The following ANK2 variants were observed in gnomAD, a reference collection of about 807,000 sequenced individuals.
The protein encoded by ANK2 is ankyrin 2.
Under a neutral mutation model 360.5 loss-of-function variants are expected in ANK2, and 83 were observed. The observed-to-expected ratio is 0.23, with a 90% confidence interval of 0.19 to 0.28. The LOEUF (loss-of-function observed/expected upper bound fraction) is 0.28. Ranked by LOEUF, ANK2 falls within the 10% of genes least tolerant of loss-of-function variation. ANK2 has a pLI of 1.00. For synonymous variants in ANK2, 1,740 were observed against 1,759.5 expected, an observed-to-expected ratio of 0.99 and a Z score of 0.28; for missense variants, 4,201 against 4,795.7, an observed-to-expected ratio of 0.88 and a Z score of 3.66.
chr4:113,350,436 C>T (rs1279493585), intron 37 of ANK2, 187 bp downstream of exon 37: 17 of 511,392 alleles, frequency 3.3e-5, no homozygotes, highest in South Asian at 2.8e-4. Flanking sequence ...ACCTAATTTG[C>T]GAGCTAATTA....
At position 113,353,935 on chromosome 4, in the gene ANK2, C is replaced by T. The variant is rs1282566002; in HGVS notation, c.5317C>T (p.Leu1773Phe). 2 of 1,614,012 alleles carry T rather than the reference C, an allele frequency of 1.2e-6. No individual in the cohort carries two copies. The highest frequency in any genetic ancestry group is 4.5e-5 in the East Asian group (2 of 44,882). ...TTCCATAAAGGACAAAGTAAAGGCC[C>T]TTCAGAAGCGAGTGGAAGATGAACA... The part of the protein sequence containing the change: ...IGSIKDKVKA[L>F]QKRVEDEQKG... Residue 1773 changes from leucine to phenylalanine, a missense_variant, in exon 38 of 46, where the codon CTT becomes TTT. By Grantham distance (22) the Leu-to-Phe change is conservative. Coordinates refer to ENST00000357077, the MANE Select transcript of ANK2 (RefSeq NM_001148.6).
intron 2 of ANK2, among the ~76,000 whole-genome samples, chr4:112,956,502 A>G (rs575182170): frequency 2.0e-5 from 3 of 152,230 alleles, no homozygotes; most frequent in Non-Finnish European, 2.9e-5. Flanking sequence ...AAGCACTGCC[A>G]CATCCAACAG....
intron 23 of ANK2, among the ~76,000 whole-genome samples, chr4:113,305,419 A>G (rs2076871608): frequency 6.6e-6 from 1 of 151,426 alleles, no homozygotes; most frequent in Non-Finnish European, 1.5e-5. Flanking sequence ...CTGTACTTTC[A>G]TTATTAAAAA....
At chr4:112,864,095 T>A (rs1560843883) in intron 1 of ANK2, among the ~76,000 whole-genome samples, 1 of 152,162 alleles carries the variant, frequency 6.6e-6, no homozygotes, top group Non-Finnish European at 1.5e-5. Flanking sequence ...TAGGGTGTTA[T>A]AGAGAAGAGC....
At chr4:113,154,479 C>T (rs2097206756) in intron 1 of ANK2, among the ~76,000 whole-genome samples, 1 of 152,168 alleles carries the variant, frequency 6.6e-6, no homozygotes, top group South Asian at 2.1e-4. Context: ...AGTACAATAT[C>T]TTGGCTGAAT....
intron 17 of ANK2, among the ~76,000 whole-genome samples, chr4:113,280,571 C>T (rs935501530): frequency 2.0e-5 from 3 of 152,186 alleles, no homozygotes; most frequent in African/African-American, 4.8e-5. Flanking sequence ...TCTCTTTCTG[C>T]TCATTATAAT....
intron 1 of ANK2, among the ~76,000 whole-genome samples, chr4:113,080,222 G>A (rs540624657): frequency 5.3e-5 from 8 of 152,188 alleles, no homozygotes; most frequent in African/African-American, 1.9e-4. Flanking sequence ...TTAATGCCTT[G>A]ATTCTGGAGG....
chr4:113,222,668 TA>T (rs1488755501), intron 4 of ANK2, among the ~76,000 whole-genome samples: 5 of 152,144 alleles, frequency 3.3e-5, no homozygotes, highest in South Asian at 2.1e-4. Context: ...GTCTCATTCG[TA>T]AAAGGAGCCT....
rs5861124 is a variant in ANK2 at position 113,134,281 on chromosome 4, CTTTTTTTTTTT to C, written c.85-40121_85-40111del. ...AGCTCTAAAATTTCCTGAAAGTTGT[CTTTTTTTTTTT>C]TTTTTTTTTTTTTCTCACTGCAACC... is the stretch of plus-strand genomic sequence containing the variant. On this transcript the variant is annotated intron_variant, in intron 1 of 45. Transcript: ENST00000357077. 7.8e-4 allele frequency among the ~76,000 whole-genome samples: 67 copies of C among 86,098 alleles called. 1 individual carries two copies. The highest frequency in any genetic ancestry group is 1.2e-3 in the Admixed American group (9 of 7,700). The allele number at this position is 86,098 out of a possible 152,430, so 56.5% of individuals were successfully genotyped here. A position where few individuals can be genotyped will look rare whatever the true frequency, so the allele number is the denominator to read the frequency against.
chr4:113,024,430 T>C (rs1455728722), intron 2 of ANK2, among the ~76,000 whole-genome samples: 1 of 152,176 alleles, frequency 6.6e-6, no homozygotes, highest in African/African-American at 2.4e-5. Context: ...GAAACAAAAA[T>C]TTTTAAAGGA....
chr4:112,791,112 G>C, the ANK2 span, among the ~76,000 whole-genome samples: 1 of 152,152 alleles, frequency 6.6e-6, no homozygotes, highest in African/African-American at 2.4e-5. Context: ...TGGATTACTG[G>C]GTGGAGGCAG....
Position 113,357,798 on chromosome 4 carries a change from A to G in ANK2, c.9180A>G (p.Lys3060=), listed in dbSNP as rs753698480. The change falls in exon 38 of 46, where the codon AAA becomes AAG. Residue 3060 remains lysine, a synonymous_variant. Coordinates refer to ENST00000357077, the MANE Select transcript of ANK2 (RefSeq NM_001148.6). Reference sequence around the variant, plus strand: ...ATGAAGCCTTTGAGGCTCGTGTGAAAGAGGAAGAACAAAAGATATTTGGTT... The same window carrying G: ...ATGAAGCCTTTGAGGCTCGTGTGAAGGAGGAAGAACAAAAGATATTTGGTT... ...EDDEAFEARV[K]EEEQKIFGLM... The G allele has an allele frequency of 7.4e-5, 120 of 1,613,824 alleles. No individual in the cohort carries two copies. Among genetic ancestry groups the G allele is most frequent in the Non-Finnish European group, 9.5e-5 (112 of 1,179,928 alleles).
intron 10 of ANK2, among the ~76,000 whole-genome samples, chr4:113,250,206 A>G (rs964854921): frequency 2.0e-5 from 3 of 152,148 alleles, no homozygotes; most frequent in Non-Finnish European, 4.4e-5. Flanking sequence ...ACTATGAAAC[A>G]TATATAAAAT....
chr4:112,895,299 C>T (rs1183192863), intron 1 of ANK2, among the ~76,000 whole-genome samples: 1 of 152,136 alleles, frequency 6.6e-6, no homozygotes, highest in Non-Finnish European at 1.5e-5. Flanking sequence ...CAATATAGTA[C>T]TTAGGGAGAA....
the ANK2 span, among the ~76,000 whole-genome samples, chr4:112,750,930 T>A: frequency 3.9e-5 from 6 of 152,084 alleles, no homozygotes; most frequent in Non-Finnish European, 8.8e-5. Flanking sequence ...TCTCACTATG[T>A]CGGTCAGGCT....
chr4:113,232,657 G>A (rs1459008274), intron 5 of ANK2, among the ~76,000 whole-genome samples: 2 of 151,350 alleles, frequency 1.3e-5, no homozygotes, highest in Non-Finnish European at 1.5e-5. Context: ...TAATTCATAA[G>A]TATCTGTGTT....
chr4:113,256,145 A>G (rs567396040), intron 11 of ANK2, among the ~76,000 whole-genome samples: 42 of 152,362 alleles, frequency 2.8e-4, no homozygotes, highest in Non-Finnish European at 4.7e-4. Context: ...GAGAACACCA[A>G]TGTAACATTT....
chr4:113,348,399 G>A (rs971587342), intron 36 of ANK2, 91 bp downstream of exon 36: 2 of 1,391,358 alleles, frequency 1.4e-6, no homozygotes, highest in Non-Finnish European at 1.0e-6. Flanking sequence ...CTTAGACGGG[G>A]TAGGCGGTTC....
At position 113,341,850 on chromosome 4, in the gene ANK2, T is replaced by A. The variant is rs1343465675; in HGVS notation, c.4056T>A (p.Asp1352Glu). ...TGAGGTGTTTCTGCATGACTGATGA[T>A]AAAGTGGATAAGACCCTTGAACAAC... ...ARLRCFCMTD[D>E]KVDKTLEQQE... Residue 1352 changes from aspartate (D) to glutamate (E), a missense_variant, in exon 33 of 46, where the codon GAT becomes GAA. Physicochemically the swap from Asp to Glu is conservative, Grantham distance 45. This residue lies in a region of ANK2 where 1,268 missense variants were observed against 1,650.8 expected (regional missense o/e 0.77). Transcript: ENST00000357077. 3 of 1,613,954 alleles carry A rather than the reference T, an allele frequency of 1.9e-6. No homozygotes were observed. Among genetic ancestry groups the A allele is most frequent in the Non-Finnish European group, 2.5e-6 (3 of 1,180,028 alleles).
Sources: allele counts gnomAD v4.1 joint callset (sites outside exome capture counted in the v4.1 genomes callset), GRCh38; gene constraint gnomAD v4.1.1; regional missense constraint gnomAD v4.1.1; transcripts MANE v1.5; gene names NCBI Gene and HGNC (gene_info 2026-07-23, HGNC 2026-07-21).